The following ATG4B variants were observed in gnomAD, a reference collection of about 807,000 sequenced individuals.
The protein encoded by ATG4B is autophagy related 4B cysteine peptidase.
ATG4B carries 29 observed loss-of-function variants against 56.6 expected under a neutral mutation model. The observed-to-expected ratio is 0.51, with a 90% CI of 0.38 to 0.70. The LOEUF is 0.70. ATG4B is among the 30% of genes least tolerant of loss of function. The pLI is 0.00. For missense variants in ATG4B, 461 were observed against 515.5 expected (o/e 0.89, Z 1.02); for synonymous variants, 224 against 206.1 (o/e 1.09, Z -0.74).
chr2:241,642,167 G>GTT (rs112568817), intron 1 of ATG4B, among the ~76,000 whole-genome samples: 2 of 146,362 alleles, frequency 1.4e-5, no homozygotes, highest in Non-Finnish European at 3.0e-5. Context: ...CTGGGGAGTG[G>GTT]TTTTTTTTTT....
chr2:241,672,017 C>G, intron 12 of ATG4B, 174 bp from the exon 13 acceptor site: 1 of 1,425,902 alleles, frequency 7.0e-7, no homozygotes. Flanking sequence ...TCTGCTCCCT[C>G]CCCCCATATT....
chr2:241,638,764 G>T (rs1395441155), intron 1 of ATG4B, among the ~76,000 whole-genome samples: 19 of 152,232 alleles, frequency 1.2e-4, no homozygotes, highest in Admixed American at 1.2e-3. Flanking sequence ...GGAGGAAACA[G>T]GAGCCCTGAC....
At chr2:241,670,575 C>A in intron 10 of ATG4B, 151 bp from the exon 11 acceptor site, 1 of 747,990 alleles carries the variant, frequency 1.3e-6, no homozygotes. Context: ...GAGCTCCGTT[C>A]CTGGCCACAG....
At chr2:241,661,658 G>C (rs1237611891) in intron 7 of ATG4B, among the ~76,000 whole-genome samples, 1 of 152,212 alleles carries the variant, frequency 6.6e-6, no homozygotes, top group Non-Finnish European at 1.5e-5. Flanking sequence ...TGCAGCGAAA[G>C]AGCTGCCTGA....
intron 3 of ATG4B, 162 bp from the exon 4 acceptor site, chr2:241,653,350 G>A: frequency 6.5e-7 from 1 of 1,549,990 alleles, no homozygotes. Flanking sequence ...GTGGCCCTTG[G>A]CGTTACTGAG....
intron 1 of ATG4B, 136 bp downstream of exon 1, chr2:241,637,860 C>A: frequency 1.4e-6 from 1 of 705,928 alleles, no homozygotes; most frequent in Non-Finnish European, 1.8e-6. Context: ...GCGGCGGGCG[C>A]TGCGGGAGCG....
intron 5 of ATG4B, 46 bp from the exon 6 acceptor site, chr2:241,655,225 G>T (rs1233378310): frequency 1.9e-6 from 3 of 1,568,854 alleles, no homozygotes; most frequent in Non-Finnish European, 2.6e-6. Context: ...CAGAGGTCAG[G>T]GCTGGGGGCG....
intron 12 of ATG4B, chr2:241,671,854 A>G: frequency 1.6e-6 from 2 of 1,288,738 alleles, no homozygotes; most frequent in Non-Finnish European, 9.9e-7. Context: ...CGTCCTCCTC[A>G]TCTCTGTCTC....
intron 1 of ATG4B, among the ~76,000 whole-genome samples, chr2:241,646,552 G>A (rs867556136): frequency 6.6e-6 from 1 of 152,164 alleles, no homozygotes; most frequent in Non-Finnish European, 1.5e-5. Flanking sequence ...CATACTTGAC[G>A]TTTTGAATTT....
At position 241,673,504 on chromosome 2, in the gene ATG4B, G is replaced by A. The variant is rs555257029; in HGVS notation, c.*1240G>A. 8 of 418,502 alleles carry A rather than the reference G, an allele frequency of 1.9e-5. No individual in the cohort carries two copies. The East Asian group carries it at 2.2e-4, about 12-fold the overall frequency. 25.9% of individuals were successfully genotyped at this position (418,502 alleles called of 1,614,324 possible). ...GTAGGTCGGGGAGCCAGAGATCCCCGAGGACGCGCGCCGGACAGTCGGCAC... is the reference window on the plus strand; with the variant it reads ...GTAGGTCGGGGAGCCAGAGATCCCCAAGGACGCGCGCCGGACAGTCGGCAC... On this transcript the variant is annotated 3_prime_UTR_variant, in exon 13 of 13. Coordinates refer to ENST00000404914, the MANE Select transcript of ATG4B (RefSeq NM_013325.5).
chr2:241,664,171 T>C (rs2125139725), intron 7 of ATG4B, among the ~76,000 whole-genome samples: 1 of 152,256 alleles, frequency 6.6e-6, no homozygotes, highest in Middle Eastern at 3.4e-3. Context: ...TTATTAGAAC[T>C]AACACATACT....
rs368607832 is a variant in ATG4B at position 241,640,296 on chromosome 2, T to A, written c.10+2572T>A. Among the ~76,000 whole-genome samples the A allele has an allele frequency of 5.9e-5, 9 of 152,248 alleles. No individual in the cohort carries two copies. The East Asian group carries it at 9.6e-4, about 16-fold the overall frequency. On this transcript the variant is annotated intron_variant, in intron 1 of 12. Coordinates refer to ENST00000404914, the MANE Select transcript of ATG4B (RefSeq NM_013325.5). ...GTGTTTGCATTTAAAGGTCTCTGTT[T>A]ATGCTGATAAAAACGTATATGATGT... is the stretch of plus-strand genomic sequence containing the variant.
In ATG4B at chr2:241,652,519, T is replaced by C. The variant is rs553867667; in HGVS notation, c.185-993T>C. Among the ~76,000 whole-genome samples the C allele has an allele frequency of 2.6e-5, 4 of 152,218 alleles. No homozygotes were observed. The South Asian group carries it at 8.3e-4, about 32-fold the overall frequency. On this transcript the variant is annotated intron_variant, in intron 3 of 12. Coordinates refer to ENST00000404914, the MANE Select transcript of ATG4B (RefSeq NM_013325.5). ...TTCTTAGCCCCACGGAGATAATTTTTTAAAATTATTACTTTCATTTTTTTA... is the reference window on the plus strand; with the variant it reads ...TTCTTAGCCCCACGGAGATAATTTTCTAAAATTATTACTTTCATTTTTTTA...
chr2:241,653,288 G>A (rs1219500856), intron 3 of ATG4B: 1 of 1,510,152 alleles, frequency 6.6e-7, no homozygotes, highest in Non-Finnish European at 9.0e-7. Context: ...ACTTGTTCAT[G>A]TGTTTTGCCC....
chr2:241,652,623 A>G (rs192621199), intron 3 of ATG4B, among the ~76,000 whole-genome samples: 470 of 152,194 alleles, frequency 3.1e-3, no homozygotes, highest in Middle Eastern at 0.01. Context: ...CAGCCTCCTG[A>G]GTGTCTGGGA....
chr2:241,651,359 C>A lies in ATG4B; in HGVS notation c.184+24C>A. 6.5e-7 allele frequency: 1 copy of A among 1,533,052 alleles called. No homozygotes were observed. Among genetic ancestry groups the A allele is most frequent in the Non-Finnish European group, 8.9e-7 (1 of 1,128,198 alleles). 95.0% of individuals were successfully genotyped at this position (1,533,052 alleles called of 1,614,324 possible). ...TGGTAAGTACTCTGTTTTATTACAA[C>A]GCGGGACAAAATATGTTTTTAGGAA... On this transcript the variant is annotated intron_variant, in intron 3 of 12. Transcript: ENST00000404914. This position sits in a 1 kb window ranked among gnomAD's most constrained non-coding sequence, Gnocchi z 4.1.
At chr2:241,671,781 C>T (rs1463140888) in intron 12 of ATG4B, 16 of 1,280,316 alleles carry the variant, frequency 1.2e-5, no homozygotes, top group Non-Finnish European at 1.5e-5. Context: ...ACCCCTCGGA[C>T]CATGGCCAGC....
At chr2:241,658,793 G>A (rs1329386352) in intron 6 of ATG4B, among the ~76,000 whole-genome samples, 2 of 152,234 alleles carry the variant, frequency 1.3e-5, no homozygotes, top group Non-Finnish European at 2.9e-5. Context: ...TCAGAGCTGC[G>A]TTCATGTTCT....
At chr2:241,659,001 C>G in intron 6 of ATG4B, 107 bp from the exon 7 acceptor site, 1 of 769,510 alleles carries the variant, frequency 1.3e-6, no homozygotes, top group Non-Finnish European at 2.0e-6. Flanking sequence ...CCCTTCTCAT[C>G]CGAGAAGCAC....
Sources: gnomAD v4.1 joint callset for allele counts (sites outside exome capture counted in the v4.1 genomes callset) on GRCh38, gnomAD v4.1.1 for gene constraint, Gnocchi (gnomAD v3.1) non-coding constraint, MANE v1.5 for transcripts, NCBI Gene and HGNC (gene_info 2026-07-23, HGNC 2026-07-21) for gene names.